Variants in HERC1 observed in about 807,000 individuals in gnomAD.
HERC1 encodes the protein probable E3 ubiquitin-protein ligase HERC1.
A neutral mutation model predicts 554.3 loss-of-function variants in HERC1; 160 were observed. The observed-to-expected ratio is 0.29, with a 90% CI of 0.25 to 0.33. HERC1 has a LOEUF of 0.33. Among genes scored for constraint, HERC1 ranks in the 10% least tolerant of loss-of-function variants. HERC1 has a pLI of 1.00. For synonymous variants in HERC1, 2,175 were observed against 2,131.7 expected, an observed-to-expected ratio of 1.02 and a Z score of -0.56; for missense variants, 4,919 against 5,918.5, an observed-to-expected ratio of 0.83 and a Z score of 5.54.
Position 63,708,502 on chromosome 15 carries a change from G to A in HERC1, c.4585-1671C>T, listed in dbSNP as rs188480508. 2.5e-3 allele frequency among the ~76,000 whole-genome samples: 375 copies of A among 152,228 alleles called. 2 individuals are homozygous for A. Among genetic ancestry groups the A allele is most frequent in the African/African-American group, 8.4e-3 (349 of 41,518 alleles). The stretch of plus-strand genomic sequence containing the variant: ...TGCTAAATCAAATCCTGCCAGAAAC[G>A]AGGGAGCTAGGGAATAGACTAGAAG... On this transcript the variant is annotated intron_variant, in intron 24 of 77. Transcript: ENST00000443617.
At chr15:63,778,620 A>G (rs1217055522) in intron 1 of HERC1, among the ~76,000 whole-genome samples, 2 of 152,214 alleles carry the variant, frequency 1.3e-5, no homozygotes, top group Non-Finnish European at 2.9e-5. Context: ...CCTTTCCTCA[A>G]GTAAAACAAA....
At position 63,727,223 on chromosome 15, in the gene HERC1, G is replaced by T. The variant is rs2074078788; in HGVS notation, c.3346+424C>A. On this transcript the variant is annotated intron_variant, in intron 17 of 77. Coordinates refer to ENST00000443617, the MANE Select transcript of HERC1 (RefSeq NM_003922.4). This position sits in a 1 kb window ranked among gnomAD's most constrained non-coding sequence, Gnocchi z 4.3. ...CCCGGGAGGCAGAGGTTGCAATGAG[G>T]CAAGATTGCGCCACTGCATTCCAGC... Among the ~76,000 whole-genome samples, 1 of 152,002 alleles carries T rather than the reference G, an allele frequency of 6.6e-6. No homozygotes were observed. Among genetic ancestry groups the T allele is most frequent in the African/African-American group, 2.4e-5 (1 of 41,390 alleles).
At position 63,694,749 on chromosome 15, in the gene HERC1, ACAT is replaced by A; in HGVS notation, c.5242+22_5242+24del. On this transcript the variant is annotated intron_variant, in intron 28 of 77. Coordinates refer to ENST00000443617, the MANE Select transcript of HERC1 (RefSeq NM_003922.4). The surrounding 1 kb of genome is among the most constrained non-coding windows in gnomAD (Gnocchi z 4.3). ...CGGGCTAAAATGTAACCTGCACTGT[ACAT>A]TTGCAGGAACCGTTTACTTACCAAT... 1 of 1,613,808 alleles carries A rather than the reference ACAT, an allele frequency of 6.2e-7. No individual in the cohort carries two copies.
rs2071550413 is a variant in HERC1 at position 63,682,909 on chromosome 15, GCAGAT to G, written c.6226-2138_6226-2134del. Among the ~76,000 whole-genome samples, 6 of 151,934 alleles carry G rather than the reference GCAGAT, an allele frequency of 3.9e-5. No individual in the cohort carries two copies. In the South Asian group the frequency reaches 1.2e-3, roughly 32 times the overall value. ...TCAGCATTTTGGGAGGCCGAGGCAG[GCAGAT>G]CACTTGAGGTTGGGAGTTCAAGTCC... On this transcript the variant is annotated intron_variant, in intron 34 of 77. Coordinates refer to ENST00000443617, the MANE Select transcript of HERC1 (RefSeq NM_003922.4).
At chr15:63,738,369 A>T (rs2074636286) in intron 12 of HERC1, among the ~76,000 whole-genome samples, 1 of 152,230 alleles carries the variant, frequency 6.6e-6, no homozygotes, top group Non-Finnish European at 1.5e-5. Context: ...CAAGGACATC[A>T]GTAGAAAACT....
At position 63,658,688 on chromosome 15, in the gene HERC1, G is replaced by A. The variant is rs2228513; in HGVS notation, c.9455C>T (p.Ser3152Phe). The A allele has an allele frequency of 0.04, 65,168 of 1,613,212 alleles. 1,499 individuals are homozygous for A. The highest frequency in any genetic ancestry group is 0.096 in the Middle Eastern group (578 of 6,052). The part of the protein sequence containing the change: ...GCHGSVEKSS[S>F]GRITLGEQAA... ...CTGCTCTCCTAACGTTATTCTCCCA[G>A]AGGAGCTCTTTTCTACGGAGCCATG... Residue 3152 changes from serine to phenylalanine, a missense_variant, in exon 48 of 78, where the codon TCT becomes TTT. Coordinates refer to ENST00000443617, the MANE Select transcript of HERC1 (RefSeq NM_003922.4).
At chr15:63,654,882 A>T (rs909700644) in intron 50 of HERC1, among the ~76,000 whole-genome samples, 22 of 151,960 alleles carry the variant, frequency 1.4e-4, no homozygotes, top group Non-Finnish European at 2.8e-4. Context: ...AAAAAAAAAA[A>T]TTTATTATAC....
At chr15:63,631,420 A>G (rs2068551199) in intron 68 of HERC1, among the ~76,000 whole-genome samples, 1 of 152,304 alleles carries the variant, frequency 6.6e-6, no homozygotes, top group Middle Eastern at 3.4e-3. Flanking sequence ...TGGGAACATC[A>G]TGCAACCTTC....
chr15:63,685,691 G>A (rs1401037415), intron 34 of HERC1, among the ~76,000 whole-genome samples: 1 of 152,192 alleles, frequency 6.6e-6, no homozygotes, highest in African/African-American at 2.4e-5. Flanking sequence ...CCTATTGATA[G>A]TTTTACTGTA....
chr15:63,623,685 C>A, intron 73 of HERC1, 40 bp downstream of exon 73: 2 of 1,594,370 alleles, frequency 1.3e-6, no homozygotes, highest in East Asian at 2.2e-5. Flanking sequence ...TGGCCACTAG[C>A]AGACTAGATA....
intron 24 of HERC1, among the ~76,000 whole-genome samples, chr15:63,709,516 C>G (rs1196746537): frequency 6.6e-6 from 1 of 152,116 alleles, no homozygotes; most frequent in Admixed American, 6.5e-5. Context: ...GCAAGTACAA[C>G]AGGCATTATT....
At chr15:63,732,152 C>T (rs1406921820) in intron 14 of HERC1, among the ~76,000 whole-genome samples, 1 of 151,958 alleles carries the variant, frequency 6.6e-6, no homozygotes, top group African/African-American at 2.4e-5. Flanking sequence ...AGATGCCAGC[C>T]GCCACGCCTG....
chr15:63,628,864 G>C (rs551057274), intron 69 of HERC1, 49 bp from the exon 70 acceptor site: 1 of 1,574,362 alleles, frequency 6.4e-7, no homozygotes, highest in African/African-American at 1.4e-5. Context: ...AAGAGGAAGA[G>C]AGGAAGTCAA....
intron 52 of HERC1, among the ~76,000 whole-genome samples, chr15:63,652,081 C>T (rs1043091823): frequency 1.3e-5 from 2 of 152,016 alleles, no homozygotes; most frequent in African/African-American, 4.8e-5. Context: ...GTTGAAAATG[C>T]TACATTCTGA....
chr15:63,734,371 A>G lies in HERC1; in HGVS notation c.2646+353T>C, dbSNP rs1038873074. Among the ~76,000 whole-genome samples the G allele has an allele frequency of 2.0e-5, 3 of 152,166 alleles. No individual in the cohort carries two copies. Among genetic ancestry groups the G allele is most frequent in the Admixed American group, 2.0e-4 (3 of 15,268 alleles). Reference sequence around the variant, plus strand: ...ATACTTTTTCCTAATAGTCATCTATACTCTTTATACAAACGATTTCAGACA... The same window carrying G: ...ATACTTTTTCCTAATAGTCATCTATGCTCTTTATACAAACGATTTCAGACA... On this transcript the variant is annotated intron_variant, in intron 13 of 77. Coordinates refer to ENST00000443617, the MANE Select transcript of HERC1 (RefSeq NM_003922.4). The surrounding 1 kb of genome is among the most constrained non-coding windows in gnomAD (Gnocchi z 4.6).
At chr15:63,610,844 G>A (rs1322183458) in intron 77 of HERC1, among the ~76,000 whole-genome samples, 1 of 152,230 alleles carries the variant, frequency 6.6e-6, no homozygotes, top group Non-Finnish European at 1.5e-5. Flanking sequence ...CAGCTCATGT[G>A]GGAGAGAGGG....
chr15:63,799,455 G>A (rs571413845), intron 1 of HERC1, among the ~76,000 whole-genome samples: 82 of 151,544 alleles, frequency 5.4e-4, no homozygotes, highest in African/African-American at 1.3e-3. Context: ...AGCTATGATC[G>A]TGCCACTGCA....
intron 2 of HERC1, among the ~76,000 whole-genome samples, chr15:63,773,270 C>T (rs1213252459): frequency 1.3e-5 from 2 of 151,622 alleles, no homozygotes; most frequent in East Asian, 3.9e-4. Context: ...ATGGTGAAAC[C>T]CCGTCTCTAC....
At chr15:63,712,735 A>T (rs746126844) in intron 24 of HERC1, 40 bp downstream of exon 24, 19 of 1,597,110 alleles carry the variant, frequency 1.2e-5, no homozygotes, top group Non-Finnish European at 1.5e-5. Context: ...ATATACCTTG[A>T]AAACAAAAAT....
Sources: gnomAD v4.1 joint callset for allele counts (sites outside exome capture counted in the v4.1 genomes callset) on GRCh38, gnomAD v4.1.1 for gene constraint, Gnocchi (gnomAD v3.1) non-coding constraint, MANE v1.5 for transcripts, NCBI Gene and HGNC (gene_info 2026-07-23, HGNC 2026-07-21) for gene names.